TMEFF2: variants seen among roughly 807,000 people sequenced by gnomAD.
TMEFF2 encodes tomoregulin-2.
A neutral mutation model predicts 53.8 loss-of-function variants in TMEFF2; 28 were observed. The observed-to-expected ratio is 0.52, with a 90% CI of 0.39 to 0.71. TMEFF2 has a LOEUF of 0.71. Among genes scored for constraint, TMEFF2 ranks in the 30% least tolerant of loss-of-function variants. The probability of loss-of-function intolerance (pLI) is 0.00; values close to 1 mark genes in which losing one functional copy is unlikely to be tolerated. For missense variants in TMEFF2, 353 were observed against 455.2 expected (o/e 0.78, Z 2.04); for synonymous variants, 162 against 166.3 (o/e 0.97, Z 0.20).
At chr2:192,132,169 T>C (rs868737584) in intron 4 of TMEFF2, among the ~76,000 whole-genome samples, 18 of 152,228 alleles carry the variant, frequency 1.2e-4, no homozygotes, top group African/African-American at 4.1e-4. Flanking sequence ...TGTAATCTTT[T>C]TATCACCTCC....
intron 2 of TMEFF2, among the ~76,000 whole-genome samples, chr2:192,188,784 T>G (rs1691379807): frequency 6.6e-6 from 1 of 152,114 alleles, no homozygotes; most frequent in South Asian, 2.1e-4. Flanking sequence ...CCTTCCTTTT[T>G]TCCTCCCTCT....
chr2:192,087,078 T>C (rs1688684503), intron 4 of TMEFF2, among the ~76,000 whole-genome samples: 1 of 150,760 alleles, frequency 6.6e-6, no homozygotes, highest in African/African-American at 2.4e-5. Flanking sequence ...AAATTATGTA[T>C]TTATTATAAA....
intron 4 of TMEFF2, among the ~76,000 whole-genome samples, chr2:192,070,052 G>GT (rs1559112841): frequency 2.8e-5 from 3 of 105,318 alleles, no homozygotes; most frequent in African/African-American, 9.2e-5. Flanking sequence ...ATGTCTTCAC[G>GT]TTTGGGGGGA....
intron 4 of TMEFF2, among the ~76,000 whole-genome samples, chr2:192,162,490 G>C (rs1471496595): frequency 1.3e-5 from 2 of 152,060 alleles, no homozygotes; most frequent in Non-Finnish European, 2.9e-5. Flanking sequence ...TTTCAACAGG[G>C]GGAAATAACT....
At position 191,949,656 on chromosome 2, in the gene TMEFF2, T is replaced by C. The variant is rs1028210911; in HGVS notation, c.*655A>G. On this transcript the variant is annotated 3_prime_UTR_variant, in exon 10 of 10. Coordinates refer to ENST00000272771, the MANE Select transcript of TMEFF2 (RefSeq NM_016192.4). The stretch of plus-strand genomic sequence containing the variant: ...TAAAAACCAATATTTTCTTTCCCTC[T>C]CCTTTATGAGTTATAAAACACTTTC... The C allele has an allele frequency of 5.1e-6, 5 of 985,184 alleles. No individual in the cohort carries two copies. The highest frequency in any genetic ancestry group is 6.0e-6 in the Non-Finnish European group (5 of 829,886). The allele number at this position is 985,184 out of a possible 1,614,324, so 61.0% of individuals were successfully genotyped here.
At chr2:192,015,424 C>A (rs961425797) in intron 5 of TMEFF2, among the ~76,000 whole-genome samples, 2 of 147,074 alleles carry the variant, frequency 1.4e-5, no homozygotes, top group African/African-American at 5.0e-5. Context: ...ATATGTGTGC[C>A]CCTTTAAAAT....
intron 4 of TMEFF2, among the ~76,000 whole-genome samples, chr2:192,104,716 C>G (rs1191093192): frequency 6.6e-6 from 1 of 151,742 alleles, no homozygotes; most frequent in African/African-American, 2.4e-5. Context: ...TTCCTTAGAG[C>G]CTTTCATTAC....
At chr2:192,169,826 T>C (rs541668509) in intron 4 of TMEFF2, among the ~76,000 whole-genome samples, 2 of 152,202 alleles carry the variant, frequency 1.3e-5, no homozygotes, top group East Asian at 3.9e-4. Flanking sequence ...AAAGCAGTTC[T>C]GGCATAAGGG....
rs539448093 is a variant in TMEFF2, at chr2:192,107,329, G to A, written c.440-49554C>T. Among the ~76,000 whole-genome samples, 3 of 151,716 alleles carry A rather than the reference G, an allele frequency of 2.0e-5. No homozygotes were observed. In the East Asian group the frequency reaches 5.8e-4, roughly 29 times the overall value. ...TGATGAAGAATCTTGATATTGTCAT[G>A]GATTAGCACAAAAGAAAAAGAAAAT... is the stretch of plus-strand genomic sequence containing the variant. On this transcript the variant is annotated intron_variant, in intron 4 of 9. Transcript: ENST00000272771.
chr2:192,104,728 A>G (rs1689106896), intron 4 of TMEFF2, among the ~76,000 whole-genome samples: 1 of 152,064 alleles, frequency 6.6e-6, no homozygotes, highest in African/African-American at 2.4e-5. Flanking sequence ...TTTCATTACA[A>G]TTCAGCCATT....
intron 5 of TMEFF2, among the ~76,000 whole-genome samples, chr2:192,049,825 C>T (rs922889463): frequency 1.3e-5 from 2 of 152,144 alleles, no homozygotes; most frequent in East Asian, 3.9e-4. Flanking sequence ...CACGATGAAA[C>T]CCCATCTCTA....
Position 192,194,587 on chromosome 2 carries a change from G to T in TMEFF2, c.-63C>A. The stretch of plus-strand genomic sequence containing the variant: ...CGAGGAACACAGGATCGCGGGGGCC[G>T]GGCAGCGGGCTACTGAGCATCCCGC... On this transcript the variant is annotated 5_prime_UTR_variant, in exon 1 of 10. Coordinates refer to ENST00000272771, the MANE Select transcript of TMEFF2 (RefSeq NM_016192.4). The surrounding 1 kb of genome is among the most constrained non-coding windows in gnomAD (Gnocchi z 4.2). 6.4e-7 allele frequency: 1 copy of T among 1,565,704 alleles called. No individual in the cohort carries two copies. The highest frequency in any genetic ancestry group is 8.7e-7 in the Non-Finnish European group (1 of 1,148,518).
chr2:192,022,149 C>A (rs1268025088), intron 5 of TMEFF2, among the ~76,000 whole-genome samples: 1 of 152,268 alleles, frequency 6.6e-6, no homozygotes, highest in East Asian at 1.9e-4. Flanking sequence ...TCTGTTGCTG[C>A]CTCAAGTTGT....
At chr2:192,141,647 A>G (rs1690142213) in intron 4 of TMEFF2, among the ~76,000 whole-genome samples, 1 of 152,164 alleles carries the variant, frequency 6.6e-6, no homozygotes, top group African/African-American at 2.4e-5. Flanking sequence ...AATGGTAAAG[A>G]GGAAGCATGA....
chr2:191,988,085 A>C (rs1686021224), intron 7 of TMEFF2, among the ~76,000 whole-genome samples: 1 of 152,224 alleles, frequency 6.6e-6, no homozygotes, highest in African/African-American at 2.4e-5. Flanking sequence ...AACCAGCTTC[A>C]ATATTAGAAT....
chr2:192,016,865 C>T (rs1379723633), intron 5 of TMEFF2, among the ~76,000 whole-genome samples: 1 of 152,196 alleles, frequency 6.6e-6, no homozygotes, highest in East Asian at 1.9e-4. Context: ...TGCTGAATAT[C>T]TAACATGTCG....
intron 7 of TMEFF2, among the ~76,000 whole-genome samples, chr2:191,964,986 A>G (rs560998406): frequency 6.6e-6 from 1 of 151,900 alleles, no homozygotes; most frequent in African/African-American, 2.4e-5. Context: ...CCATTTTCCA[A>G]CTGATTCCTT....
chr2:191,990,078 G>A (rs1686067608), intron 7 of TMEFF2, among the ~76,000 whole-genome samples: 1 of 152,018 alleles, frequency 6.6e-6, no homozygotes, highest in African/African-American at 2.4e-5. Context: ...TCAAGCCTTA[G>A]CACTGATTAC....
At chr2:191,973,485 A>T (rs1020752621) in intron 7 of TMEFF2, among the ~76,000 whole-genome samples, 3 of 150,940 alleles carry the variant, frequency 2.0e-5, no homozygotes, top group Non-Finnish European at 4.4e-5. Context: ...ACATGCATAC[A>T]TATATATTTA....
Sources: allele counts gnomAD v4.1 joint callset (sites outside exome capture counted in the v4.1 genomes callset), GRCh38; gene constraint gnomAD v4.1.1; non-coding constraint Gnocchi (gnomAD v3.1); transcripts MANE v1.5; gene names NCBI Gene and HGNC (gene_info 2026-07-23, HGNC 2026-07-21).